The following TMEM184B variants were observed in gnomAD, a reference collection of about 807,000 sequenced individuals.
TMEM184B encodes the protein transmembrane protein 184B.
In TMEM184B, 17 loss-of-function variants were observed where a neutral mutation model predicts 41.8. That is an observed-to-expected ratio of 0.41 (90% CI 0.28 to 0.61). The LOEUF (loss-of-function observed/expected upper bound fraction) is 0.61. Among genes scored for constraint, TMEM184B ranks in the 20% least tolerant of loss-of-function variants. TMEM184B has a pLI of 0.34. For synonymous variants in TMEM184B, 240 were observed against 229.5 expected (o/e 1.05, Z -0.41); for missense variants, 393 against 557.8 (o/e 0.70, Z 2.98).
At chr22:38,236,198 G>A (rs742050) in intron 3 of TMEM184B, among the ~76,000 whole-genome samples, 7,531 of 152,220 alleles carry the variant, frequency 0.049, 652 homozygotes, top group African/African-American at 0.17. Context: ...CTCCTCCATC[G>A]TTGGAATGAG....
At chr22:38,246,702 T>C (rs540339863) in intron 2 of TMEM184B, 2 of 905,758 alleles carry the variant, frequency 2.2e-6, no homozygotes, top group East Asian at 1.5e-4. Flanking sequence ...CTGCTCTGTT[T>C]AGTTAGGCAG....
chr22:38,252,049 C>A (rs1330273701), intron 1 of TMEM184B, among the ~76,000 whole-genome samples: 1 of 151,036 alleles, frequency 6.6e-6, no homozygotes, highest in Non-Finnish European at 1.5e-5. Context: ...GCATGTGCCA[C>A]CATGTCCAAC....
At chr22:38,218,228 A>T (rs1489148605), downstream of TMEM184B, among the ~76,000 whole-genome samples, 1 of 152,140 alleles carries the variant, frequency 6.6e-6, no homozygotes, top group Non-Finnish European at 1.5e-5. Flanking sequence ...CAAACTCACT[A>T]ATTTCAACCC....
chr22:38,248,100 C>T, intron 1 of TMEM184B, 81 bp from the exon 2 acceptor site: 1 of 1,445,522 alleles, frequency 6.9e-7, no homozygotes, highest in South Asian at 1.4e-5. Flanking sequence ...TCTCTCCACC[C>T]ACCTCCTGAC....
rs959372462 is a variant in TMEM184B, at chr22:38,268,387, A to G, written c.-59+4497T>C. ...GAGACCCTGTCTCAAAAAAAAAAAAAAAAGAAAGAATTCTGGCAGACTCAG... is the reference window on the plus strand; with the variant it reads ...GAGACCCTGTCTCAAAAAAAAAAAAGAAAGAAAGAATTCTGGCAGACTCAG... On this transcript the variant is annotated intron_variant, in intron 1 of 8. Coordinates refer to ENST00000361906, the MANE Select transcript of TMEM184B (RefSeq NM_012264.5). 5.3e-5 allele frequency among the ~76,000 whole-genome samples: 8 copies of G among 151,438 alleles called. No homozygotes were observed. In the East Asian group the frequency reaches 5.8e-4, roughly 11 times the overall value.
intron 1 of TMEM184B, among the ~76,000 whole-genome samples, chr22:38,259,839 G>C: frequency 6.6e-6 from 1 of 152,138 alleles, no homozygotes; most frequent in South Asian, 2.1e-4. Flanking sequence ...GCAGTGGTGC[G>C]ATCTCGGCTC....
chr22:38,255,266 C>T (rs914880450), intron 1 of TMEM184B, among the ~76,000 whole-genome samples: 3 of 152,162 alleles, frequency 2.0e-5, no homozygotes, highest in Admixed American at 6.5e-5. Context: ...CCTTGTGATC[C>T]GCCCGCCTCA....
downstream of TMEM184B, among the ~76,000 whole-genome samples, chr22:38,217,977 A>T (rs1176324516): frequency 2.0e-5 from 3 of 152,220 alleles, no homozygotes; most frequent in Non-Finnish European, 4.4e-5. Flanking sequence ...TCAAAAGAAG[A>T]AGAAATTTAG....
intron 1 of TMEM184B, among the ~76,000 whole-genome samples, chr22:38,266,191 A>G (rs967595913): frequency 1.5e-4 from 23 of 152,208 alleles, no homozygotes; most frequent in Non-Finnish European, 2.6e-4. Context: ...GGCTTCCCAG[A>G]GAGGAGGCTG....
chr22:38,250,734 T>TG (rs140401089), intron 1 of TMEM184B, among the ~76,000 whole-genome samples: 1,871 of 152,108 alleles, frequency 0.012, 44 homozygotes, highest in African/African-American at 0.043. Context: ...CTAAGGGCGG[T>TG]GTTGAGAAAC....
rs560145979 is a variant in TMEM184B at position 38,229,171 on chromosome 22, G to A, written c.525+1498C>T. On this transcript the variant is annotated intron_variant, in intron 5 of 8. Coordinates refer to ENST00000361906, the MANE Select transcript of TMEM184B (RefSeq NM_012264.5). ...GCAGGCCCCGCCCTCCAGGGCCATC[G>A]TGACTTGGCTGTGGGTTTCATGTAC... Among the ~76,000 whole-genome samples the A allele has an allele frequency of 4.6e-4, 70 of 152,370 alleles. No homozygotes were observed. The Middle Eastern group carries it at 0.01, about 22-fold the overall frequency.
At chr22:38,219,265 G>A (rs984982579), downstream of TMEM184B, 87 of 985,342 alleles carry the variant, frequency 8.8e-5, no homozygotes, top group African/African-American at 1.5e-3. Context: ...GCAGGGAGGA[G>A]GAAGGAAAAA....
At chr22:38,217,985 T>C (rs939796350), downstream of TMEM184B, among the ~76,000 whole-genome samples, 25 of 152,120 alleles carry the variant, frequency 1.6e-4, no homozygotes, top group African/African-American at 5.8e-4. Context: ...AGAAGAAATT[T>C]AGGGTTAAAT....
intron 8 of TMEM184B, chr22:38,223,686 G>A (rs1488257342): frequency 6.6e-6 from 1 of 152,400 alleles, no homozygotes; most frequent in Non-Finnish European, 1.5e-5. Flanking sequence ...AGGCTCCTGG[G>A]TGGATGTGTC....
intron 8 of TMEM184B, chr22:38,223,464 G>C (rs1487050110): frequency 6.6e-6 from 1 of 152,408 alleles, no homozygotes; most frequent in African/African-American, 2.4e-5. Context: ...CCTGGCCTTT[G>C]TGCACCTGCT....
intron 1 of TMEM184B, among the ~76,000 whole-genome samples, chr22:38,261,556 A>T (rs1232465178): frequency 6.6e-6 from 1 of 152,176 alleles, no homozygotes; most frequent in Non-Finnish European, 1.5e-5. Context: ...GGGCTTACTC[A>T]ATTCAGCCTT....
chr22:38,224,837 C>A lies in TMEM184B; in HGVS notation c.930G>T (p.Leu310=). The part of the protein sequence containing the change: ...CVEMFFAALA[L]RHAFTYKVYA... ...AGACCTTGTAGGTGAAGGCGTGCCG[C>A]AGGGCCAGGGCTGCAAAGAACATCT... Residue 310 remains leucine (L), a synonymous_variant, in exon 8 of 9, where the codon CTG becomes CTT. Coordinates refer to ENST00000361906, the MANE Select transcript of TMEM184B (RefSeq NM_012264.5). 6.2e-7 allele frequency: 1 copy of A among 1,613,514 alleles called. No individual in the cohort carries two copies.
At chr22:38,234,744 C>A (rs189312295) in intron 3 of TMEM184B, among the ~76,000 whole-genome samples, 1 of 152,308 alleles carries the variant, frequency 6.6e-6, no homozygotes, top group East Asian at 1.9e-4. Context: ...CCTCTCTGGG[C>A]TCTGCCTGAT....
At chr22:38,264,740 T>G (rs367827454) in intron 1 of TMEM184B, among the ~76,000 whole-genome samples, 3 of 152,112 alleles carry the variant, frequency 2.0e-5, no homozygotes, top group Non-Finnish European at 4.4e-5. Context: ...TTTCTCCCAC[T>G]TCCACAAATC....
Sources: gnomAD v4.1 joint callset for allele counts (sites outside exome capture counted in the v4.1 genomes callset) on GRCh38, gnomAD v4.1.1 for gene constraint, MANE v1.5 for transcripts, NCBI Gene and HGNC (gene_info 2026-07-23, HGNC 2026-07-21) for gene names.